WWOX: variants seen among roughly 807,000 people sequenced by gnomAD.
WWOX encodes WW domain-containing oxidoreductase.
A neutral mutation model predicts 46.2 loss-of-function variants in WWOX; 69 were observed. The observed-to-expected ratio is 1.49, with a 90% CI of 1.23 to 1.82. The LOEUF (loss-of-function observed/expected upper bound fraction) is 1.82. Ranked by LOEUF, WWOX falls within the 40% of genes most tolerant of loss-of-function variation. The probability of loss-of-function intolerance (pLI) is 0.00; values close to 1 mark genes in which losing one functional copy is unlikely to be tolerated. For synonymous variants in WWOX, 359 were observed against 202.6 expected, an observed-to-expected ratio of 1.77 and a Z score of -6.56; for missense variants, 919 against 542.6, an observed-to-expected ratio of 1.69 and a Z score of -6.89.
chr16:78,788,087 T>A (rs1365806073), intron 8 of WWOX, among the ~76,000 whole-genome samples: 1 of 152,236 alleles, frequency 6.6e-6, no homozygotes, highest in Non-Finnish European at 1.5e-5. Flanking sequence ...TCTCTCAATC[T>A]ATGGGTAGGC....
At chr16:79,187,141 C>A (rs79033357) in intron 8 of WWOX, among the ~76,000 whole-genome samples, 1 of 152,176 alleles carries the variant, frequency 6.6e-6, no homozygotes. Flanking sequence ...GTTCAAATCC[C>A]AGCTCCACCA....
intron 8 of WWOX, among the ~76,000 whole-genome samples, chr16:78,914,627 C>G (rs2045199245): frequency 1.3e-5 from 2 of 151,878 alleles, no homozygotes; most frequent in African/African-American, 2.4e-5. Context: ...CACCTGTAAT[C>G]CCAGCACTTT....
intron 8 of WWOX, among the ~76,000 whole-genome samples, chr16:78,933,885 C>G (rs953633755): frequency 1.3e-5 from 2 of 151,020 alleles, no homozygotes; most frequent in African/African-American, 2.5e-5. Flanking sequence ...GGGGACACAG[C>G]TAAACCATAT....
At chr16:78,957,724 G>C (rs1046312644) in intron 8 of WWOX, among the ~76,000 whole-genome samples, 1 of 152,210 alleles carries the variant, frequency 6.6e-6, no homozygotes, top group Non-Finnish European at 1.5e-5. Flanking sequence ...TCCGTTAGGA[G>C]AAGAACTTTT....
At chr16:79,168,800 T>C (rs925550327) in intron 8 of WWOX, among the ~76,000 whole-genome samples, 3 of 152,160 alleles carry the variant, frequency 2.0e-5, no homozygotes, top group African/African-American at 7.2e-5. Flanking sequence ...TGTATCCAGC[T>C]GAGATCCAGT....
intron 8 of WWOX, among the ~76,000 whole-genome samples, chr16:79,091,775 C>CTTTTT (rs771753213): frequency 2.8e-4 from 35 of 126,832 alleles, no homozygotes; most frequent in Non-Finnish European, 3.7e-4. Flanking sequence ...CTTTTCTTTT[C>CTTTTT]TTTGTTTTTT....
chr16:78,597,912 C>A (rs2151612446), intron 8 of WWOX, among the ~76,000 whole-genome samples: 1 of 152,036 alleles, frequency 6.6e-6, no homozygotes, highest in African/African-American at 2.4e-5. Context: ...TTTTCAGACA[C>A]TGTAAAACTA....
In WWOX at chr16:78,257,678, A is replaced by T. The variant is rs375780903; in HGVS notation, c.516+93389A>T. Among the ~76,000 whole-genome samples the T allele has an allele frequency of 3.0e-3, 408 of 137,280 alleles. 2 individuals are homozygous for T. The highest frequency in any genetic ancestry group is 0.011 in the African/African-American group (389 of 35,876). 90.1% of individuals were successfully genotyped at this position (137,280 alleles called of 152,430 possible). A position where few individuals can be genotyped will look rare whatever the true frequency, so the allele number is the denominator to read the frequency against. On this transcript the variant is annotated intron_variant, in intron 5 of 8. Transcript: ENST00000566780. ...CCATCTCCATTCCTTCTGCATTGGG[A>T]GGCTTAAAAAAAAGAAAAATTAGAT...
intron 8 of WWOX, among the ~76,000 whole-genome samples, chr16:79,146,716 A>T (rs1567581244): frequency 6.6e-6 from 1 of 152,124 alleles, no homozygotes; most frequent in Non-Finnish European, 1.5e-5. Context: ...AAGTTTTGAG[A>T]ATTAGGTGGT....
At chr16:78,106,786 A>G (rs181182528) in intron 1 of WWOX, among the ~76,000 whole-genome samples, 142 of 152,256 alleles carry the variant, frequency 9.3e-4, no homozygotes, top group Non-Finnish European at 1.2e-3. Context: ...TGTCCTTGCT[A>G]CTGATACCGT....
intron 8 of WWOX, chr16:79,206,781 G>T (rs1240578931): frequency 6.6e-6 from 1 of 152,128 alleles, no homozygotes; most frequent in Non-Finnish European, 1.5e-5. Context: ...GAAGAAGAGG[G>T]TGACTTACTG....
chr16:78,396,448 A>G (rs1244575184), intron 6 of WWOX, among the ~76,000 whole-genome samples: 1 of 152,208 alleles, frequency 6.6e-6, no homozygotes, highest in Non-Finnish European at 1.5e-5. Flanking sequence ...TTTAACTATC[A>G]CTATCATCTT....
chr16:78,556,157 A>C (rs146058481), intron 8 of WWOX, among the ~76,000 whole-genome samples: 1 of 152,098 alleles, frequency 6.6e-6, no homozygotes, highest in African/African-American at 2.4e-5. Context: ...AAGAGGGTCA[A>C]TTAGGCCCTC....
intron 8 of WWOX, among the ~76,000 whole-genome samples, chr16:78,767,564 G>C (rs1237470799): frequency 6.6e-6 from 1 of 151,112 alleles, no homozygotes; most frequent in African/African-American, 2.4e-5. Flanking sequence ...CTCTGCTTTC[G>C]ATTCTTCTGC....
chr16:78,435,404 C>T (rs72797985), intron 8 of WWOX, among the ~76,000 whole-genome samples: 2,603 of 152,258 alleles, frequency 0.017, 30 homozygotes, highest in Non-Finnish European at 0.022. Context: ...GAACAGGCCT[C>T]AATGCCTATA....
intron 8 of WWOX, among the ~76,000 whole-genome samples, chr16:78,944,120 T>C (rs1339951948): frequency 6.6e-6 from 1 of 152,212 alleles, no homozygotes; most frequent in Admixed American, 6.5e-5. Flanking sequence ...TTTTTTGCTG[T>C]GGTATTGTCT....
At chr16:78,793,482 G>A (rs1447794747) in intron 8 of WWOX, among the ~76,000 whole-genome samples, 1 of 152,122 alleles carries the variant, frequency 6.6e-6, no homozygotes. Context: ...TTGCTTTCCA[G>A]AGACCCAGAT....
chr16:78,305,778 A>C (rs1461416938), intron 5 of WWOX, among the ~76,000 whole-genome samples: 1 of 152,214 alleles, frequency 6.6e-6, no homozygotes, highest in Non-Finnish European at 1.5e-5. Flanking sequence ...GTTTGAAATG[A>C]GAAATTGCCG....
At chr16:78,725,921 T>C (rs1465435274) in intron 8 of WWOX, among the ~76,000 whole-genome samples, 2 of 151,996 alleles carry the variant, frequency 1.3e-5, no homozygotes, top group African/African-American at 4.8e-5. Context: ...TTCTTCTCTT[T>C]TTTCTCCTTT....
Sources: allele counts gnomAD v4.1 joint callset (sites outside exome capture counted in the v4.1 genomes callset), GRCh38; gene constraint gnomAD v4.1.1; transcripts MANE v1.5; gene names NCBI Gene and HGNC (gene_info 2026-07-23, HGNC 2026-07-21).